ST3GAL3: variants seen among roughly 807,000 people sequenced by gnomAD.
ST3GAL3 encodes the protein CMP-N-acetylneuraminate-beta-1,4-galactoside alpha-2,3-sialyltransferase.
In ST3GAL3, 21 loss-of-function variants were observed where a neutral mutation model predicts 50.1. The ratio of observed to expected loss-of-function variants is 0.42; its 90% CI spans 0.30 to 0.60. The LOEUF (loss-of-function observed/expected upper bound fraction) is 0.60, where lower values mean the gene tolerates loss of function less well. Ranked by LOEUF, ST3GAL3 falls within the 20% of genes least tolerant of loss-of-function variation. The pLI, the probability that ST3GAL3 is intolerant of heterozygous loss-of-function variation, is 0.19. For synonymous variants in ST3GAL3, 183 were observed against 190.0 expected (o/e 0.96, Z 0.30); for missense variants, 353 against 489.4 (o/e 0.72, Z 2.63).
intron 4 of ST3GAL3, among the ~76,000 whole-genome samples, chr1:43,818,297 G>A (rs1003267869): frequency 6.6e-5 from 10 of 152,144 alleles, no homozygotes; most frequent in Admixed American, 3.9e-4. Context: ...CAGGCTGCAA[G>A]AACAATTACC....
chr1:43,776,408 G>A (rs1697269449), intron 2 of ST3GAL3, among the ~76,000 whole-genome samples: 1 of 151,896 alleles, frequency 6.6e-6, no homozygotes, highest in Non-Finnish European at 1.5e-5. Flanking sequence ...TTCTTATTAT[G>A]GCCAAATAAT....
At chr1:43,887,220 T>G (rs1033307348) in intron 5 of ST3GAL3, among the ~76,000 whole-genome samples, 1 of 152,176 alleles carries the variant, frequency 6.6e-6, no homozygotes, top group African/African-American at 2.4e-5. Flanking sequence ...CACTTTAGTG[T>G]ATATGTGTGT....
intron 5 of ST3GAL3, among the ~76,000 whole-genome samples, chr1:43,861,171 A>C (rs1569978961): frequency 6.6e-6 from 1 of 152,342 alleles, no homozygotes; most frequent in South Asian, 2.1e-4. Context: ...TAGAATCCCA[A>C]CTTTGCTACT....
chr1:43,731,601 G>C (rs1487941108), intron 1 of ST3GAL3, among the ~76,000 whole-genome samples: 2 of 136,186 alleles, frequency 1.5e-5, no homozygotes, highest in Non-Finnish European at 1.6e-5. Flanking sequence ...GTTTCACTGT[G>C]TTAGCCAGGA....
At chr1:43,807,513 T>C (rs1179953466) in intron 3 of ST3GAL3, among the ~76,000 whole-genome samples, 2 of 152,218 alleles carry the variant, frequency 1.3e-5, no homozygotes, top group Non-Finnish European at 2.9e-5. Flanking sequence ...GATTGGGATT[T>C]GTTCTGAGAA....
chr1:43,712,406 C>T (rs1665228830), intron 1 of ST3GAL3, among the ~76,000 whole-genome samples: 2 of 152,154 alleles, frequency 1.3e-5, no homozygotes, highest in African/African-American at 4.8e-5. Context: ...TCTTTCTCTC[C>T]TACTAGACCA....
intron 5 of ST3GAL3, among the ~76,000 whole-genome samples, chr1:43,882,012 A>G (rs982800637): frequency 2.6e-5 from 4 of 152,194 alleles, no homozygotes; most frequent in Admixed American, 2.0e-4. Context: ...AGCACCTGCT[A>G]TGTGCTTGGC....
At chr1:43,814,438 C>A (rs2060996545) in intron 3 of ST3GAL3, among the ~76,000 whole-genome samples, 1 of 152,122 alleles carries the variant, frequency 6.6e-6, no homozygotes. Context: ...TTTATGATGA[C>A]CATGAAGAGA....
At chr1:43,791,359 T>C (rs1558314318) in intron 2 of ST3GAL3, among the ~76,000 whole-genome samples, 2 of 152,372 alleles carry the variant, frequency 1.3e-5, no homozygotes, top group South Asian at 4.1e-4. Context: ...CTGCTGTATC[T>C]CAGTCATAGT....
intron 2 of ST3GAL3, among the ~76,000 whole-genome samples, chr1:43,789,343 G>A (rs1015451127): frequency 6.6e-6 from 1 of 152,174 alleles, no homozygotes; most frequent in African/African-American, 2.4e-5. Context: ...GGTTGGGGCA[G>A]GGAATGACTG....
intron 5 of ST3GAL3, chr1:43,851,580 G>A (rs538786564): frequency 1.7e-4 from 239 of 1,443,736 alleles, no homozygotes; most frequent in Non-Finnish European, 2.4e-5. Flanking sequence ...GAAATTCTCC[G>A]AGGTAATCAG....
At chr1:43,713,612 C>A (rs1665857213) in intron 1 of ST3GAL3, among the ~76,000 whole-genome samples, 1 of 149,494 alleles carries the variant, frequency 6.7e-6, no homozygotes, top group Non-Finnish European at 1.5e-5. Context: ...TTCACTGCAG[C>A]CTCAACCTCC....
chr1:43,762,026 G>GAGGCCA (rs1217325632), intron 2 of ST3GAL3, among the ~76,000 whole-genome samples: 1 of 150,812 alleles, frequency 6.6e-6, no homozygotes, highest in African/African-American at 2.4e-5. Flanking sequence ...AGCACTTTGG[G>GAGGCCA]AGGCCAAGGC....
chr1:43,886,059 A>G (rs976945576), intron 5 of ST3GAL3, among the ~76,000 whole-genome samples: 1 of 152,252 alleles, frequency 6.6e-6, no homozygotes, highest in Admixed American at 6.5e-5. Context: ...GCTAGAAGGA[A>G]GATATTGAAT....
chr1:43,859,797 G>A (rs1453933861), intron 5 of ST3GAL3, among the ~76,000 whole-genome samples: 1 of 152,154 alleles, frequency 6.6e-6, no homozygotes, highest in African/African-American at 2.4e-5. Context: ...TGTCTCCACT[G>A]GCCTTGCTCC....
In ST3GAL3 at chr1:43,848,272, T is replaced by C. The variant is rs961719718; in HGVS notation, c.302+9961T>C. On this transcript the variant is annotated intron_variant, in intron 5 of 11. Coordinates refer to ENST00000347631, the MANE Select transcript of ST3GAL3 (RefSeq NM_006279.5). ...CCAGTGGTTTCCAGCAATTTTATTA[T>C]GGTGTCCCTTGTTGTGGTTTTCTTT... Among the ~76,000 whole-genome samples the C allele has an allele frequency of 7.3e-5, 11 of 150,152 alleles. 1 individual carries two copies. In the Admixed American group the frequency reaches 7.3e-4, roughly 10 times the overall value.
chr1:43,798,987 T>G (rs2059013717), intron 3 of ST3GAL3, among the ~76,000 whole-genome samples: 1 of 152,360 alleles, frequency 6.6e-6, no homozygotes, highest in South Asian at 2.1e-4. Context: ...CTGCAGTCAT[T>G]TAAAATGATG....
Position 43,898,311 on chromosome 1 carries a change from C to T in ST3GAL3, c.461+13C>T. 6.2e-7 allele frequency: 1 copy of T among 1,613,026 alleles called. No homozygotes were observed. Among genetic ancestry groups the T allele is most frequent in the East Asian group, 2.2e-5 (1 of 44,886 alleles). ...CTGCCTTGGACAGGTGAGCCACACA[C>T]TGTGCAGCCTCCTACCCACCGCTGC... On this transcript the variant is annotated intron_variant, in intron 7 of 11. Coordinates refer to ENST00000347631, the MANE Select transcript of ST3GAL3 (RefSeq NM_006279.5).
At chr1:43,721,432 G>A (rs1164828504) in intron 1 of ST3GAL3, among the ~76,000 whole-genome samples, 1 of 150,462 alleles carries the variant, frequency 6.6e-6, no homozygotes, top group African/African-American at 2.4e-5. Flanking sequence ...AGCCTCCCAA[G>A]TAGCTGGGAT....
Sources: gnomAD v4.1 joint callset for allele counts (sites outside exome capture counted in the v4.1 genomes callset) on GRCh38, gnomAD v4.1.1 for gene constraint, MANE v1.5 for transcripts, NCBI Gene and HGNC (gene_info 2026-07-23, HGNC 2026-07-21) for gene names.